VDAC3: variants seen among roughly 807,000 people sequenced by gnomAD.
VDAC3 encodes the protein voltage dependent anion channel 3.
VDAC3 carries 7 observed loss-of-function variants against 33.9 expected under a neutral mutation model. The observed-to-expected ratio is 0.21, with a 90% confidence interval of 0.12 to 0.39. VDAC3 has a LOEUF of 0.39. Ranked by LOEUF, VDAC3 falls within the 10% of genes least tolerant of loss-of-function variation. The pLI is 1.00. For missense variants in VDAC3, 261 were observed against 334.5 expected (o/e 0.78, Z 1.71); for synonymous variants, 100 against 122.4 (o/e 0.82, Z 1.21).
chr8:42,402,267 C>T, intron 7 of VDAC3: 1 of 543,844 alleles, frequency 1.8e-6, no homozygotes, highest in Non-Finnish European at 3.3e-6. Flanking sequence ...AGAAGAACCA[C>T]TGGGATAGAG....
intron 4 of VDAC3, among the ~76,000 whole-genome samples, chr8:42,395,419 A>T (rs1487340433): frequency 6.6e-6 from 1 of 152,262 alleles, no homozygotes; most frequent in Non-Finnish European, 1.5e-5. Flanking sequence ...GAATATGTAT[A>T]TGGGCACCAA....
At chr8:42,402,276 A>G (rs1162593165) in intron 7 of VDAC3, 8 of 523,726 alleles carry the variant, frequency 1.5e-5, no homozygotes, top group Middle Eastern at 5.1e-4. Flanking sequence ...ACTGGGATAG[A>G]GGGAGCCCAG....
In VDAC3 at chr8:42,401,878, C is replaced by T; in HGVS notation, c.414C>T (p.Ile138=). ...NVDIDFSGPT[I]YGWAVLAFEG... is the part of the protein sequence containing the mutation. ...ATATAGATTTTTCTGGACCAACCAT[C>T]TATGGCTGGGCTGTGTTGGCCTTCG... The change falls in exon 7 of 10, where the codon ATC becomes ATT. Residue 138 remains isoleucine, a synonymous_variant. Coordinates refer to ENST00000022615, the MANE Select transcript of VDAC3 (RefSeq NM_005662.7). The T allele has an allele frequency of 6.2e-7, 1 of 1,614,250 alleles. No individual in the cohort carries two copies. The highest frequency in any genetic ancestry group is 1.7e-5 in the Admixed American group (1 of 60,024).
chr8:42,403,599 T>C (rs1204722245), intron 8 of VDAC3, 138 bp downstream of exon 8: 4 of 998,922 alleles, frequency 4.0e-6, no homozygotes, highest in Non-Finnish European at 4.3e-6. Context: ...AGGAATATAA[T>C]GTGGCCAGGC....
At chr8:42,402,806 A>G (rs1042574554) in intron 7 of VDAC3, among the ~76,000 whole-genome samples, 6 of 152,230 alleles carry the variant, frequency 3.9e-5, no homozygotes, top group Non-Finnish European at 8.8e-5. Flanking sequence ...CACCTCTGGC[A>G]TGCTTGGAAG....
rs1439958856 is a variant in VDAC3 at position 42,394,729 on chromosome 8, G to A, written c.68-355G>A. Among the ~76,000 whole-genome samples the A allele has an allele frequency of 3.3e-5, 5 of 151,964 alleles. 1 individual carries two copies. The highest frequency in any genetic ancestry group is 2.6e-4 in the Admixed American group (4 of 15,258). ...AAAATTTAACTTAAATTTATGTGCT[G>A]TACATATTTGATTTTTTCTTATTAA... On this transcript the variant is annotated intron_variant, in intron 3 of 9. Transcript: ENST00000022615.
At chr8:42,403,919 A>G (rs1216547419) in intron 8 of VDAC3, among the ~76,000 whole-genome samples, 3 of 151,598 alleles carry the variant, frequency 2.0e-5, no homozygotes, top group Non-Finnish European at 4.4e-5. Flanking sequence ...GTCAGGAAAT[A>G]GGGGTTCTTC....
Position 42,403,437 on chromosome 8 carries a change from G to A in VDAC3, c.678G>A (p.Met226Ile). The A allele has an allele frequency of 6.3e-7, 1 of 1,596,196 alleles. No individual in the cohort carries two copies. The highest frequency in any genetic ancestry group is 1.7e-4 in the Middle Eastern group (1 of 5,982). The change falls in exon 8 of 10, where the codon ATG becomes ATA. Residue 226 changes from methionine to isoleucine, a missense_variant. Coordinates refer to ENST00000022615, the MANE Select transcript of VDAC3 (RefSeq NM_005662.7). ...GTTTTGGCATTGCTGCTAAGTACAT[G>A]CTGGATTGTAGAACTTCTCTCTCTG... is the stretch of plus-strand genomic sequence containing the variant. ...NTRFGIAAKY[M>I]LDCRTSLSAK... is the part of the protein sequence containing the mutation.
chr8:42,393,566 A>G (rs568575432), intron 1 of VDAC3, among the ~76,000 whole-genome samples: 59 of 152,318 alleles, frequency 3.9e-4, no homozygotes, highest in South Asian at 2.3e-3. Context: ...AAATCAAGGC[A>G]CCTGAGGTTT....
chr8:42,395,026 A>C, intron 3 of VDAC3, 58 bp from the exon 4 acceptor site: 4 of 1,610,288 alleles, frequency 2.5e-6, no homozygotes, highest in Non-Finnish European at 3.4e-6. Context: ...TGAGTTGCAA[A>C]AACTAGTGAA....
At chr8:42,396,714 T>C (rs1363017373) in intron 4 of VDAC3, 12 of 683,320 alleles carry the variant, frequency 1.8e-5, no homozygotes, top group Non-Finnish European at 2.9e-5. Flanking sequence ...ATGCTTGTTT[T>C]TATGGCTGCT....
intron 4 of VDAC3, among the ~76,000 whole-genome samples, chr8:42,396,297 G>A (rs1802317394): frequency 6.6e-6 from 1 of 152,162 alleles, no homozygotes; most frequent in African/African-American, 2.4e-5. Flanking sequence ...ATCTCAGCAA[G>A]TAGGTTAAGT....
At position 42,401,965 on chromosome 8, in the gene VDAC3, T is replaced by A; in HGVS notation, c.501T>A (p.Asn167Lys). 6.2e-7 allele frequency: 1 copy of A among 1,614,250 alleles called. No homozygotes were observed. Among genetic ancestry groups the A allele is most frequent in the Non-Finnish European group, 8.5e-7 (1 of 1,180,050 alleles). Residue 167 changes from asparagine (N) to lysine (K), a missense_variant, in exon 7 of 10, where the codon AAT becomes AAA. Physicochemically the swap from Asn to Lys is moderately conservative, Grantham distance 94. Coordinates refer to ENST00000022615, the MANE Select transcript of VDAC3 (RefSeq NM_005662.7). ...CAGCCAAATCCAAACTGTCACAGAA[T>A]AATTTCGCCCTGGGTTACAAGGCTG... is the stretch of plus-strand genomic sequence containing the variant. ...FDTAKSKLSQ[N>K]NFALGYKAAD...
In VDAC3 at chr8:42,404,927, A is replaced by T; in HGVS notation, c.760+3A>T. 2 of 1,613,368 alleles carry T rather than the reference A, an allele frequency of 1.2e-6. No homozygotes were observed. The highest frequency in any genetic ancestry group is 1.7e-6 in the Non-Finnish European group (2 of 1,179,514). ...TTATACTCAGACCCTTCGACCAGGT[A>T]AGTAAAGGAATTAGTAACAGAGGGG... On this transcript the variant is annotated splice_donor_region_variant and intron_variant, in intron 9 of 9. Transcript: ENST00000022615.
intron 4 of VDAC3, chr8:42,396,802 C>A: frequency 1.6e-6 from 1 of 625,594 alleles, no homozygotes. Flanking sequence ...ATATTTTTCT[C>A]ATATGCTATC....
In VDAC3 at chr8:42,405,485, A is replaced by G. The variant is rs968328589; in HGVS notation, c.*23A>G. Reference sequence around the variant, plus strand: ...TAATGTGGTTTGAGGAAAGCATCAGATTTGTCCCTGGAAGTGAAGAGAAAT... The same window carrying G: ...TAATGTGGTTTGAGGAAAGCATCAGGTTTGTCCCTGGAAGTGAAGAGAAAT... On this transcript the variant is annotated 3_prime_UTR_variant, in exon 10 of 10. Transcript: ENST00000022615. 20 of 1,599,234 alleles carry G rather than the reference A, an allele frequency of 1.3e-5. No homozygotes were observed. Among genetic ancestry groups the G allele is most frequent in the Admixed American group, 1.7e-5 (1 of 59,668 alleles).
rs1265814986 is a variant in VDAC3, at chr8:42,401,915, G to A, written c.451G>A (p.Ala151Thr). ...WAVLAFEGWL[A>T]GYQMSFDTAK... ...TGTGTTGGCCTTCGAAGGGTGGCTT[G>A]CTGGCTATCAGATGAGTTTTGACAC... Residue 151 changes from alanine to threonine, a missense_variant, in exon 7 of 10, where the codon GCT becomes ACT. Transcript: ENST00000022615. 1.2e-6 allele frequency: 2 copies of A among 1,614,112 alleles called. No individual in the cohort carries two copies. Among genetic ancestry groups the A allele is most frequent in the African/African-American group, 2.7e-5 (2 of 74,930 alleles).
At position 42,394,203 on chromosome 8, in the gene VDAC3, T is replaced by C. The variant is rs201464982; in HGVS notation, c.-2-7T>C. On this transcript the variant is annotated splice_region_variant and splice_polypyrimidine_tract_variant and intron_variant, in intron 2 of 9. Transcript: ENST00000022615. ...TTTTATTCCTTTGCCCTGTTTTTCT[T>C]TATAAGATATGTGTAACACACCAAC... The C allele has an allele frequency of 1.1e-4, 170 of 1,613,082 alleles. No homozygotes were observed. Among genetic ancestry groups the C allele is most frequent in the Middle Eastern group, 1.6e-4 (1 of 6,078 alleles).
At chr8:42,401,721 A>T (rs1166181680) in intron 6 of VDAC3, 67 bp from the exon 7 acceptor site, 59 of 1,445,106 alleles carry the variant, frequency 4.1e-5, no homozygotes, top group Non-Finnish European at 5.4e-5. Context: ...TACTCTAAAA[A>T]TTCCTAGACA....
Sources: allele counts gnomAD v4.1 joint callset (sites outside exome capture counted in the v4.1 genomes callset), GRCh38; gene constraint gnomAD v4.1.1; transcripts MANE v1.5; gene names NCBI Gene and HGNC (gene_info 2026-07-23, HGNC 2026-07-21).